RSPH1: variants seen among roughly 807,000 people sequenced by gnomAD.
RSPH1 encodes the protein radial spoke head component 1, also known as radial spoke head 1 homolog.
Under a neutral mutation model 44.2 loss-of-function variants are expected in RSPH1, and 32 were observed. The ratio of observed to expected loss-of-function variants is 0.72; its 90% CI spans 0.55 to 0.97. The LOEUF is 0.97. Among genes scored for constraint, RSPH1 ranks in the 50% least tolerant of loss-of-function variants. The pLI, the probability that RSPH1 is intolerant of heterozygous loss-of-function variation, is 0.00. For missense variants in RSPH1, 391 were observed against 398.7 expected (o/e 0.98, Z 0.16); for synonymous variants, 134 against 147.3 (o/e 0.91, Z 0.65).
intron 8 of RSPH1, among the ~76,000 whole-genome samples, chr21:42,475,281 C>G (rs1601622665): frequency 6.6e-6 from 1 of 152,288 alleles, no homozygotes; most frequent in East Asian, 1.9e-4. Context: ...AACCATACTC[C>G]TGTTAGTCAG....
chr21:42,476,825 C>G (rs983994494), intron 7 of RSPH1, among the ~76,000 whole-genome samples: 2 of 152,162 alleles, frequency 1.3e-5, no homozygotes, highest in East Asian at 3.8e-4. Flanking sequence ...GGAGTGTCCT[C>G]CAATCCCAAA....
chr21:42,482,934 G>A (rs1428004198), intron 5 of RSPH1, among the ~76,000 whole-genome samples: 1 of 152,166 alleles, frequency 6.6e-6, no homozygotes, highest in Non-Finnish European at 1.5e-5. Flanking sequence ...TAAAAGTGAT[G>A]TATTCATTTT....
rs775978209 is a variant in RSPH1, at chr21:42,475,981, C to G, written c.794G>C (p.Arg265Thr). 1.2e-6 allele frequency: 2 copies of G among 1,613,304 alleles called. No homozygotes were observed. Among genetic ancestry groups the G allele is most frequent in the Admixed American group, 3.3e-5 (2 of 59,914 alleles). Residue 265 changes from arginine (R) to threonine (T), a missense_variant, in exon 8 of 9, where the codon AGG (arginine) becomes ACG (threonine). Coordinates refer to ENST00000291536, the MANE Select transcript of RSPH1 (RefSeq NM_080860.4). Reference sequence around the variant, plus strand: ...GACGTCTGCATCTTCATCTCCAGGCCTCATGTCCATCTCACCCTCGAAGCC... The same window carrying G: ...GACGTCTGCATCTTCATCTCCAGGCGTCATGTCCATCTCACCCTCGAAGCC... ...LEGFEGEMDM[R>T]PGDEDADVLR...
chr21:42,487,113 T>C (rs1229877356), intron 3 of RSPH1, among the ~76,000 whole-genome samples: 1 of 152,124 alleles, frequency 6.6e-6, no homozygotes, highest in Non-Finnish European at 1.5e-5. Context: ...CCTCCTCACC[T>C]CCATACGGCT....
At chr21:42,484,244 C>T (rs1470423541) in intron 5 of RSPH1, among the ~76,000 whole-genome samples, 1 of 152,110 alleles carries the variant, frequency 6.6e-6, no homozygotes, top group Non-Finnish European at 1.5e-5. Flanking sequence ...TATCCAACAT[C>T]GATGAGAATA....
At position 42,495,539 on chromosome 21, in the gene RSPH1, C is replaced by A. The variant is rs4920114; in HGVS notation, c.54+594G>T. 2.8e-3 allele frequency among the ~76,000 whole-genome samples: 429 copies of A among 152,312 alleles called. 8 individuals are homozygous for A. The highest frequency in any genetic ancestry group is 0.027 in the East Asian group (142 of 5,192). Reference sequence around the variant, plus strand: ...CTCACAGGCTGGATGTGCCCTCTTTCTCCTCTCTGCTGCCTAACTCAGGAA... The same window carrying A: ...CTCACAGGCTGGATGTGCCCTCTTTATCCTCTCTGCTGCCTAACTCAGGAA... On this transcript the variant is annotated intron_variant, in intron 1 of 8. Coordinates refer to ENST00000291536, the MANE Select transcript of RSPH1 (RefSeq NM_080860.4).
intron 6 of RSPH1, among the ~76,000 whole-genome samples, chr21:42,482,393 T>A (rs565172847): frequency 6.6e-6 from 1 of 152,346 alleles, no homozygotes; most frequent in South Asian, 2.1e-4. Flanking sequence ...AGGATTAGTT[T>A]CTATCAACAA....
At chr21:42,485,826 T>C (rs778780293) in intron 4 of RSPH1, 22 bp from the exon 5 acceptor site, 1 of 1,613,938 alleles carries the variant, frequency 6.2e-7, no homozygotes, top group Admixed American at 1.7e-5. Flanking sequence ...AAGGGGAACA[T>C]GGTATTTCGT....
At chr21:42,485,047 G>T (rs974534516) in intron 5 of RSPH1, 2 of 152,162 alleles carry the variant, frequency 1.3e-5, no homozygotes, top group Non-Finnish European at 2.9e-5. Context: ...TACCACGATG[G>T]CCTGAGTATT....
At chr21:42,484,452 T>C (rs947901320) in intron 5 of RSPH1, among the ~76,000 whole-genome samples, 2 of 152,200 alleles carry the variant, frequency 1.3e-5, no homozygotes, top group African/African-American at 4.8e-5. Flanking sequence ...CCTGACACAG[T>C]ATGATCCTAA....
At position 42,485,720 on chromosome 21, in the gene RSPH1, G is replaced by A. The variant is rs117797631; in HGVS notation, c.450C>T (p.Ala150=). ...TWVNGQQEGT[A]ELIHLNHRYQ... is the part of the protein sequence containing the mutation. ...ACCTGTGGTTCAGGTGAATGAGCTC[G>A]GCCGTGCCCTCCTGCTGTCCGTTCA... is the stretch of plus-strand genomic sequence containing the variant. Residue 150 remains alanine (A), a synonymous_variant, in exon 5 of 9, where the codon GCC becomes GCT. Transcript: ENST00000291536. 16,625 of 1,614,138 alleles carry A rather than the reference G, an allele frequency of 0.01. 116 individuals carry two copies. Among genetic ancestry groups the A allele is most frequent in the Non-Finnish European group, 0.013 (15,364 of 1,180,014 alleles).
At chr21:42,476,208 G>A (rs1475648712) in intron 7 of RSPH1, among the ~76,000 whole-genome samples, 161 bp from the exon 8 acceptor site, 1 of 152,102 alleles carries the variant, frequency 6.6e-6, no homozygotes, top group Non-Finnish European at 1.5e-5. Context: ...CCCAGCCTAG[G>A]CCTGGCCAGG....
chr21:42,494,989 C>T (rs146910942), intron 1 of RSPH1, among the ~76,000 whole-genome samples: 29 of 152,262 alleles, frequency 1.9e-4, no homozygotes, highest in African/African-American at 6.3e-4. Context: ...TGTGAGCCAC[C>T]GCGCCTGGCC....
At chr21:42,489,281 TTGGTTGGTTGGC>T (rs2054212417) in intron 3 of RSPH1, among the ~76,000 whole-genome samples, 1 of 151,926 alleles carries the variant, frequency 6.6e-6, no homozygotes, top group Non-Finnish European at 1.5e-5. Context: ...GGTTGGTTGG[TTGGTTGGTTGGC>T]TGGTTGGCTA....
chr21:42,487,213 T>C (rs1173002454), intron 3 of RSPH1, among the ~76,000 whole-genome samples: 2 of 152,218 alleles, frequency 1.3e-5, no homozygotes, highest in Non-Finnish European at 1.5e-5. Context: ...TGTGGACAAC[T>C]GCAAACTACT....
chr21:42,475,400 T>A (rs2054035265), intron 8 of RSPH1, among the ~76,000 whole-genome samples: 1 of 151,666 alleles, frequency 6.6e-6, no homozygotes, highest in Non-Finnish European at 1.5e-5. Context: ...AACCCACCTC[T>A]ACTAAAAATA....
intron 3 of RSPH1, among the ~76,000 whole-genome samples, chr21:42,491,844 T>C (rs751021025): frequency 2.0e-5 from 3 of 152,200 alleles, no homozygotes; most frequent in Non-Finnish European, 4.4e-5. Context: ...AAGTGGTACA[T>C]CACAGTCCTA....
intron 5 of RSPH1, among the ~76,000 whole-genome samples, chr21:42,484,180 C>T (rs1401310888): frequency 1.3e-5 from 2 of 152,150 alleles, no homozygotes; most frequent in East Asian, 1.9e-4. Flanking sequence ...AATGAGATGA[C>T]ATTTTTTACC....
rs115784313 is a variant in RSPH1 at position 42,493,100 on chromosome 21, C to T, written c.55-21G>A. On this transcript the variant is annotated intron_variant, in intron 1 of 8. Transcript: ENST00000291536. ...TATTCCTGGGTAATGAAAATTGACA[C>T]AATTACAGCTACCATTCATTAAGCG... 2,397 of 1,587,750 alleles carry T rather than the reference C, an allele frequency of 1.5e-3. 43 individuals carry two copies. In the African/African-American group the frequency reaches 0.027, roughly 18 times the overall value.
Sources: allele counts gnomAD v4.1 joint callset (sites outside exome capture counted in the v4.1 genomes callset), GRCh38; gene constraint gnomAD v4.1.1; transcripts MANE v1.5; gene names NCBI Gene and HGNC (gene_info 2026-07-23, HGNC 2026-07-21).